The following ARHGAP31 variants were observed in gnomAD, a reference collection of about 807,000 sequenced individuals.
The protein encoded by ARHGAP31 is Rho GTPase activating protein 31, also known as rho GTPase-activating protein 31.
ARHGAP31 carries 34 observed loss-of-function variants against 113.9 expected under a neutral mutation model. The observed-to-expected ratio is 0.30, with a 90% CI of 0.23 to 0.40. The LOEUF (loss-of-function observed/expected upper bound fraction) is 0.40. ARHGAP31 is among the 10% of genes least tolerant of loss of function. ARHGAP31 has a pLI of 1.00. For missense variants in ARHGAP31, 1,548 were observed against 1,767.1 expected, an observed-to-expected ratio of 0.88 and a Z score of 2.22; for synonymous variants, 650 against 684.8, an observed-to-expected ratio of 0.95 and a Z score of 0.79.
intron 11 of ARHGAP31, among the ~76,000 whole-genome samples, chr3:119,412,769 A>G (rs1039389472): frequency 6.6e-6 from 1 of 152,224 alleles, no homozygotes; most frequent in African/African-American, 2.4e-5. Context: ...CACACCTGTA[A>G]TCCCAGCACT....
intron 1 of ARHGAP31, among the ~76,000 whole-genome samples, chr3:119,296,190 C>G (rs1167613451): frequency 2.6e-5 from 4 of 152,214 alleles, no homozygotes; most frequent in Admixed American, 1.3e-4. Context: ...TCAGCACCAC[C>G]TAGTAATTTG....
chr3:119,380,725 A>G (rs1419536650), intron 3 of ARHGAP31, among the ~76,000 whole-genome samples, 179 bp from the exon 4 acceptor site: 1 of 152,188 alleles, frequency 6.6e-6, no homozygotes, highest in Admixed American at 6.5e-5. Flanking sequence ...ACACACATCC[A>G]GAACCAACAG....
chr3:119,388,830 C>T (rs35843157), intron 6 of ARHGAP31, among the ~76,000 whole-genome samples: 11 of 152,170 alleles, frequency 7.2e-5, no homozygotes, highest in Admixed American at 2.6e-4. Flanking sequence ...GAGCACAGAT[C>T]GCAAGCTCTG....
chr3:119,402,030 G>T lies in ARHGAP31; in HGVS notation c.1278G>T (p.Arg426=). 1 of 1,614,140 alleles carries T rather than the reference G, an allele frequency of 6.2e-7. No homozygotes were observed. The highest frequency in any genetic ancestry group is 1.1e-5 in the South Asian group (1 of 91,064). Reference sequence around the variant, plus strand: ...GCCATCTCCAGGGCGCTCAGGCCCGGCCCCCACCGGAACAGCTGAAGGTTT... The same window carrying T: ...GCCATCTCCAGGGCGCTCAGGCCCGTCCCCCACCGGAACAGCTGAAGGTTT... ...DRSHLQGAQA[R]PPPEQLKVFR... The change falls in exon 10 of 12, where the codon CGG becomes CGT. Residue 426 remains arginine (R), a synonymous_variant. Coordinates refer to ENST00000264245, the MANE Select transcript of ARHGAP31 (RefSeq NM_020754.4).
chr3:119,319,797 T>C (rs950068099), intron 1 of ARHGAP31, among the ~76,000 whole-genome samples: 1 of 152,208 alleles, frequency 6.6e-6, no homozygotes, highest in African/African-American at 2.4e-5. Flanking sequence ...AGGCTGTGAA[T>C]CCACGAATGT....
chr3:119,375,658 A>T (rs1174168972), intron 3 of ARHGAP31, among the ~76,000 whole-genome samples: 2 of 152,214 alleles, frequency 1.3e-5, no homozygotes, highest in African/African-American at 4.8e-5. Context: ...GGAAAAATTC[A>T]ATTTTGTTCA....
intron 1 of ARHGAP31, among the ~76,000 whole-genome samples, chr3:119,354,264 A>G (rs1360093010): frequency 6.6e-6 from 1 of 152,182 alleles, no homozygotes; most frequent in Non-Finnish European, 1.5e-5. Context: ...AACATTTAGA[A>G]CTTGGGTCAC....
Position 119,354,593 on chromosome 3 carries a change from C to T in ARHGAP31, c.101-10723C>T, listed in dbSNP as rs147276441. Among the ~76,000 whole-genome samples, 17 of 151,740 alleles carry T rather than the reference C, an allele frequency of 1.1e-4. No homozygotes were observed. The East Asian group carries it at 2.9e-3, about 26-fold the overall frequency. ...TGCCATCTCAGCTCACTGCAACCTC[C>T]GCCTGCCTCCTGGGTTCAAGTGATT... On this transcript the variant is annotated intron_variant, in intron 1 of 11. Coordinates refer to ENST00000264245, the MANE Select transcript of ARHGAP31 (RefSeq NM_020754.4).
At chr3:119,323,073 G>T (rs923994871) in intron 1 of ARHGAP31, among the ~76,000 whole-genome samples, 2 of 152,236 alleles carry the variant, frequency 1.3e-5, no homozygotes, top group Non-Finnish European at 2.9e-5. Context: ...AAAGACGGTG[G>T]CGCTGACTCT....
intron 1 of ARHGAP31, among the ~76,000 whole-genome samples, chr3:119,300,392 G>A (rs969763609): frequency 6.6e-6 from 1 of 152,092 alleles, no homozygotes; most frequent in Non-Finnish European, 1.5e-5. Context: ...ATCACCAAAA[G>A]GGACAAGAAG....
At position 119,409,579 on chromosome 3, in the gene ARHGAP31, T is replaced by C. The variant is rs966952653; in HGVS notation, c.1729T>C (p.Ser577Pro). 1.2e-6 allele frequency: 2 copies of C among 1,614,068 alleles called. No individual in the cohort carries two copies. Among genetic ancestry groups the C allele is most frequent in the Non-Finnish European group, 1.7e-6 (2 of 1,179,990 alleles). ...GACAGTGGAATGCAGCAAAGGCCTGTCCCAGGAGCCAGGCGCCCACCTGGA... is the reference window on the plus strand; with the variant it reads ...GACAGTGGAATGCAGCAAAGGCCTGCCCCAGGAGCCAGGCGCCCACCTGGA... ...PGTVECSKGL[S>P]QEPGAHLEEK... The change falls in exon 11 of 12, where the codon TCC (serine) becomes CCC (proline). Residue 577 changes from serine (S) to proline (P), a missense_variant. By Grantham distance (74) the Ser-to-Pro change is moderately conservative (BLOSUM62 -1). Coordinates refer to ENST00000264245, the MANE Select transcript of ARHGAP31 (RefSeq NM_020754.4).
At chr3:119,373,991 A>G (rs1048426306) in intron 3 of ARHGAP31, among the ~76,000 whole-genome samples, 2 of 152,228 alleles carry the variant, frequency 1.3e-5, no homozygotes, top group African/African-American at 4.8e-5. Context: ...TGGAGAGTAC[A>G]TGTCTAACAG....
intron 1 of ARHGAP31, among the ~76,000 whole-genome samples, chr3:119,309,628 C>T (rs2079661396): frequency 6.6e-6 from 1 of 151,722 alleles, no homozygotes. Flanking sequence ...GGCATGGTGG[C>T]GTGGGGCTGT....
At chr3:119,325,847 A>G (rs888800496) in intron 1 of ARHGAP31, among the ~76,000 whole-genome samples, 17 of 152,140 alleles carry the variant, frequency 1.1e-4, no homozygotes, top group Non-Finnish European at 2.5e-4. Flanking sequence ...TGTCACCCAT[A>G]CTGATTAAAT....
chr3:119,294,669 C>T lies in ARHGAP31; in HGVS notation c.-236C>T, dbSNP rs562815461. 14 of 565,140 alleles carry T rather than the reference C, an allele frequency of 2.5e-5. No homozygotes were observed. Among genetic ancestry groups the T allele is most frequent in the Non-Finnish European group, 4.3e-5 (14 of 324,418 alleles). The allele number at this position is 565,140 out of a possible 1,614,324, so 35.0% of individuals were successfully genotyped here. ...CCCAGGCGAGCCGGCCCGCGGCTGCCAGTCTGCACGGCCTCGGCACGGCGG... is the reference window on the plus strand; with the variant it reads ...CCCAGGCGAGCCGGCCCGCGGCTGCTAGTCTGCACGGCCTCGGCACGGCGG... On this transcript the variant is annotated 5_prime_UTR_variant, in exon 1 of 12. Coordinates refer to ENST00000264245, the MANE Select transcript of ARHGAP31 (RefSeq NM_020754.4).
chr3:119,359,017 C>CTT (rs202168432), intron 1 of ARHGAP31, among the ~76,000 whole-genome samples: 22 of 145,132 alleles, frequency 1.5e-4, no homozygotes, highest in East Asian at 1.4e-3. Flanking sequence ...TTGTTTTTAA[C>CTT]TTTTTTTTTT....
chr3:119,356,358 C>T (rs915543754), intron 1 of ARHGAP31, among the ~76,000 whole-genome samples: 2 of 152,066 alleles, frequency 1.3e-5, no homozygotes, highest in Non-Finnish European at 1.5e-5. Context: ...TGGCTGGGCA[C>T]GGTGGCTCAC....
chr3:119,329,616 C>T (rs912256742), intron 1 of ARHGAP31, among the ~76,000 whole-genome samples: 3 of 152,196 alleles, frequency 2.0e-5, no homozygotes, highest in Admixed American at 6.5e-5. Context: ...CCTCCTTCCA[C>T]GGAGTCTCCA....
chr3:119,300,296 A>C (rs1305577973), intron 1 of ARHGAP31, among the ~76,000 whole-genome samples: 1 of 152,186 alleles, frequency 6.6e-6, no homozygotes, highest in Non-Finnish European at 1.5e-5. Flanking sequence ...CCTGAGTTTA[A>C]CCTAGCATCA....
Sources: allele counts gnomAD v4.1 joint callset (sites outside exome capture counted in the v4.1 genomes callset), GRCh38; gene constraint gnomAD v4.1.1; transcripts MANE v1.5; gene names NCBI Gene and HGNC (gene_info 2026-07-23, HGNC 2026-07-21).